The following HDAC9 variants were observed in gnomAD, a reference collection of about 807,000 sequenced individuals.
HDAC9 encodes MEF-2 interacting transcription repressor (MITR) protein.
In HDAC9, 41 loss-of-function variants were observed where a neutral mutation model predicts 139.4. The observed-to-expected ratio is 0.29, with a 90% confidence interval of 0.23 to 0.38. HDAC9 has a LOEUF of 0.38. Ranked by LOEUF, HDAC9 falls within the 10% of genes least tolerant of loss-of-function variation. The pLI, the probability that HDAC9 is intolerant of heterozygous loss-of-function variation, is 1.00. For synonymous variants in HDAC9, 517 were observed against 476.2 expected, an observed-to-expected ratio of 1.09 and a Z score of -1.12; for missense variants, 1,147 against 1,297.0, an observed-to-expected ratio of 0.88 and a Z score of 1.78.
intron 1 of HDAC9, among the ~76,000 whole-genome samples, chr7:18,112,739 T>C (rs1256763561): frequency 2.0e-5 from 3 of 152,208 alleles, no homozygotes; most frequent in Non-Finnish European, 2.9e-5. Context: ...TGTGTGTATA[T>C]ACACTTTTAT....
At position 18,472,940 on chromosome 7, in the gene HDAC9, T is replaced by G. The variant is rs117679039; in HGVS notation, c.-41-23322T>G. Among the ~76,000 whole-genome samples the G allele has an allele frequency of 2.1e-4, 32 of 152,266 alleles. 1 individual carries two copies. The East Asian group carries it at 6.2e-3, about 29-fold the overall frequency. On this transcript the variant is annotated intron_variant, in intron 1 of 3. Coordinates refer to the HDAC9 transcript ENST00000413509. ...TGTTCACTTGTAAAAATGAATGAATTAAGGCCACTTAGCAATTTCTAAATC... is the reference window on the plus strand; with the variant it reads ...TGTTCACTTGTAAAAATGAATGAATGAAGGCCACTTAGCAATTTCTAAATC...
chr7:18,358,131 G>A (rs552792099), intron 1 of HDAC9, among the ~76,000 whole-genome samples: 2 of 152,294 alleles, frequency 1.3e-5, no homozygotes, highest in Admixed American at 1.3e-4. Flanking sequence ...AGAGGTTGCA[G>A]TGAGCTGAGA....
At chr7:18,893,628 A>G (rs1279142879) in intron 22 of HDAC9, among the ~76,000 whole-genome samples, 1 of 152,206 alleles carries the variant, frequency 6.6e-6, no homozygotes. Flanking sequence ...GCAGATATAG[A>G]ACATTTGCAT....
chr7:18,309,016 A>G (rs1799117432), intron 1 of HDAC9, among the ~76,000 whole-genome samples: 1 of 152,184 alleles, frequency 6.6e-6, no homozygotes, highest in Non-Finnish European at 1.5e-5. Flanking sequence ...TTTGGAGAAT[A>G]TATGCAAATT....
intron 1 of HDAC9, among the ~76,000 whole-genome samples, chr7:18,406,518 C>G (rs568471211): frequency 6.6e-6 from 1 of 152,016 alleles, no homozygotes; most frequent in African/African-American, 2.4e-5. Flanking sequence ...CTCAGCCTCC[C>G]GAGTAGCTGG....
At chr7:18,736,101 C>A (rs185717474) in intron 13 of HDAC9, among the ~76,000 whole-genome samples, 4 of 152,320 alleles carry the variant, frequency 2.6e-5, no homozygotes, top group Admixed American at 2.6e-4. Context: ...TGAGACTTTG[C>A]TGAAGTTGCT....
intron 1 of HDAC9, among the ~76,000 whole-genome samples, chr7:18,441,105 T>G (rs767365872): frequency 2.0e-5 from 3 of 152,218 alleles, no homozygotes; most frequent in African/African-American, 4.8e-5. Flanking sequence ...TATCAAATTC[T>G]CATAAAAGCT....
intron 6 of HDAC9, among the ~76,000 whole-genome samples, chr7:18,620,909 A>G (rs1840042567): frequency 6.6e-6 from 1 of 152,130 alleles, no homozygotes; most frequent in South Asian, 2.1e-4. Context: ...TTAAATTTCT[A>G]TTTACATTGA....
In HDAC9 at chr7:18,497,825, A is replaced by G. The variant is rs112513897; in HGVS notation, c.22+1501A>G. Among the ~76,000 whole-genome samples, 1,092 of 152,240 alleles carry G rather than the reference A, an allele frequency of 7.2e-3. 11 individuals carry two copies. The highest frequency in any genetic ancestry group is 0.025 in the African/African-American group (1,031 of 41,568). ...TGTTACAAGTTTGATATTTTTTTTC[A>G]TATGGTAGAAACATACATGCCTTCC... On this transcript the variant is annotated intron_variant, in intron 2 of 25. Transcript: ENST00000686413.
chr7:18,776,617 A>G (rs530713584), intron 16 of HDAC9, among the ~76,000 whole-genome samples: 4 of 152,184 alleles, frequency 2.6e-5, no homozygotes, highest in Admixed American at 6.5e-5. Context: ...TGAATGCTAT[A>G]GAGAAAAGGA....
chr7:18,786,800 C>T (rs1260235457), intron 16 of HDAC9, among the ~76,000 whole-genome samples: 5 of 62,080 alleles, frequency 8.1e-5, no homozygotes, highest in African/African-American at 2.5e-4. Flanking sequence ...TCTTTCTTTC[C>T]TTCCTTCCTT....
rs1399136414 is a variant in HDAC9 at position 18,634,729 on chromosome 7, C to T, written c.899C>T (p.Thr300Ile). 2 of 1,590,858 alleles carry T rather than the reference C, an allele frequency of 1.3e-6. No homozygotes were observed. The highest frequency in any genetic ancestry group is 1.1e-5 in the South Asian group (1 of 87,600). Residue 300 changes from threonine (T) to isoleucine (I), a missense_variant, in exon 8 of 26, where the codon ACC (threonine) becomes ATC (isoleucine). Transcript: ENST00000686413. ...AATGAGACTTCGGTTTTGCCCCCTA[C>T]CCCTCATGCCGAGGTAAGACCCTTA... is the stretch of plus-strand genomic sequence containing the variant. ...TENETSVLPP[T>I]PHAEQMVSQQ...
intron 1 of HDAC9, among the ~76,000 whole-genome samples, chr7:18,469,246 G>C (rs1264068174): frequency 2.0e-5 from 3 of 152,172 alleles, no homozygotes; most frequent in African/African-American, 7.2e-5. Context: ...GCTGAAAGAA[G>C]AATTGTGTTA....
At chr7:18,331,409 G>A (rs373997607) in intron 1 of HDAC9, among the ~76,000 whole-genome samples, 1 of 151,652 alleles carries the variant, frequency 6.6e-6, no homozygotes, top group Non-Finnish European at 1.5e-5. Context: ...CATATTTTCA[G>A]TTAAAATTAG....
intron 22 of HDAC9, among the ~76,000 whole-genome samples, chr7:18,881,648 C>T (rs1183976822): frequency 6.6e-6 from 1 of 152,060 alleles, no homozygotes; most frequent in Non-Finnish European, 1.5e-5. Context: ...AGAACCTAAT[C>T]ATATTTACTT....
At chr7:18,507,211 G>C (rs936937320) in intron 2 of HDAC9, among the ~76,000 whole-genome samples, 7 of 117,478 alleles carry the variant, frequency 6.0e-5, no homozygotes, top group Non-Finnish European at 1.0e-4. Context: ...TACTATTTGA[G>C]ACGGAGTCTC....
chr7:18,923,082 TATTA>T (rs1253474958), intron 22 of HDAC9, among the ~76,000 whole-genome samples: 1 of 152,120 alleles, frequency 6.6e-6, no homozygotes, highest in African/African-American at 2.4e-5. Flanking sequence ...TGTCACCTAT[TATTA>T]ATTAGGTAAT....
At chr7:18,283,634 G>T (rs1174828357) in intron 2 of HDAC9, among the ~76,000 whole-genome samples, 1 of 152,062 alleles carries the variant, frequency 6.6e-6, no homozygotes. Context: ...AAATTCTAAA[G>T]GTTTGCATTT....
At chr7:18,335,381 C>CCAGA (rs1321317223) in intron 1 of HDAC9, among the ~76,000 whole-genome samples, 1 of 151,358 alleles carries the variant, frequency 6.6e-6, no homozygotes, top group Non-Finnish European at 1.5e-5. Context: ...GGACGGTGAC[C>CCAGA]CAGAGATCCC....
Sources: allele counts gnomAD v4.1 joint callset (sites outside exome capture counted in the v4.1 genomes callset), GRCh38; gene constraint gnomAD v4.1.1; transcripts MANE v1.5; gene names NCBI Gene and HGNC (gene_info 2026-07-23, HGNC 2026-07-21).